The following P4HA2 variants were observed in gnomAD, a reference collection of about 807,000 sequenced individuals.
The protein encoded by P4HA2 is prolyl 4-hydroxylase subunit alpha-2.
P4HA2 carries 46 observed loss-of-function variants against 76.9 expected under a neutral mutation model. The observed-to-expected ratio is 0.60, with a 90% confidence interval of 0.47 to 0.76. P4HA2 has a LOEUF of 0.76. P4HA2 is among the 30% of genes least tolerant of loss of function. The pLI is 0.00. For missense variants in P4HA2, 583 were observed against 669.4 expected (o/e 0.87, Z 1.42); for synonymous variants, 243 against 254.0 (o/e 0.96, Z 0.41).
At chr5:132,222,272 T>G (rs1271498720) in intron 1 of P4HA2, among the ~76,000 whole-genome samples, 1 of 152,182 alleles carries the variant, frequency 6.6e-6, no homozygotes, top group Non-Finnish European at 1.5e-5. Flanking sequence ...TGAAAGGACC[T>G]GTGTGTTCAG....
At chr5:132,197,457 A>G (rs1750797585) in intron 12 of P4HA2, among the ~76,000 whole-genome samples, 1 of 151,858 alleles carries the variant, frequency 6.6e-6, no homozygotes, top group Non-Finnish European at 1.5e-5. Flanking sequence ...AAAATACAAA[A>G]ATTAGCCAGG....
intron 3 of P4HA2, 42 bp downstream of exon 3, chr5:132,217,710 G>A: frequency 4.2e-6 from 5 of 1,199,206 alleles, no homozygotes; most frequent in Non-Finnish European, 5.0e-6. Flanking sequence ...AGGGGCAGAA[G>A]GGAAGGAAGG....
At position 132,218,645 on chromosome 5, in the gene P4HA2, C is replaced by CACAGAGGGTCCAG; in HGVS notation, c.-18-2_-18-1insCTGGACCCTCTGT. On this transcript the variant is annotated splice_acceptor_variant, in intron 1 of 14. Transcript: ENST00000360568. LOFTEE classifies it low-confidence loss of function (5UTR_SPLICE). Reference sequence around the variant, plus strand: ...GTTTCATGGTCACAGAGGGAAGTGTCTGAAAGGCATTCAATGACAATCACT... The same window carrying CACAGAGGGTCCAG: ...GTTTCATGGTCACAGAGGGAAGTGTCACAGAGGGTCCAGTGAAAGGCATTCAATGACAATCACT... The CACAGAGGGTCCAG allele has an allele frequency of 6.3e-7, 1 of 1,587,176 alleles. No individual in the cohort carries two copies. Among genetic ancestry groups the CACAGAGGGTCCAG allele is most frequent in the Admixed American group, 1.7e-5 (1 of 59,942 alleles).
intron 14 of P4HA2, among the ~76,000 whole-genome samples, chr5:132,194,450 C>A (rs757193408): frequency 1.3e-5 from 2 of 152,216 alleles, no homozygotes; most frequent in Non-Finnish European, 2.9e-5. Context: ...TGAGCCTCTG[C>A]AGTTTGGTCC....
chr5:132,207,683 G>A (rs373210602), intron 8 of P4HA2, 25 bp downstream of exon 8: 46 of 1,604,432 alleles, frequency 2.9e-5, no homozygotes, highest in East Asian at 1.3e-4. Flanking sequence ...TCAGTGACCC[G>A]AGAAGGACCT....
intron 14 of P4HA2, among the ~76,000 whole-genome samples, chr5:132,194,286 C>A (rs1198394146): frequency 6.6e-6 from 1 of 152,204 alleles, no homozygotes; most frequent in Non-Finnish European, 1.5e-5. Context: ...GTTTTCTTTT[C>A]CATTTGCTTA....
At chr5:132,221,103 T>A (rs1255862498) in intron 1 of P4HA2, among the ~76,000 whole-genome samples, 1 of 152,156 alleles carries the variant, frequency 6.6e-6, no homozygotes. Flanking sequence ...TGCCCCACAA[T>A]GTGGGAAAGG....
At chr5:132,206,367 C>T (rs1404954769) in intron 8 of P4HA2, among the ~76,000 whole-genome samples, 2 of 152,142 alleles carry the variant, frequency 1.3e-5, no homozygotes, top group Non-Finnish European at 1.5e-5. Context: ...ATGATGCCAA[C>T]CACTGACTCA....
In P4HA2 at chr5:132,192,882, C is replaced by A; in HGVS notation, c.*128G>T. On this transcript the variant is annotated 3_prime_UTR_variant, in exon 15 of 15. Coordinates refer to ENST00000360568, the MANE Select transcript of P4HA2 (RefSeq NM_001017974.2). ...CAGGAGTCGCCCTAGTATGGTCTCC[C>A]TCTGCTCCAGACAAACATTCATTTC... is the stretch of plus-strand genomic sequence containing the variant. 1 of 696,322 alleles carries A rather than the reference C, an allele frequency of 1.4e-6. No individual in the cohort carries two copies. Among genetic ancestry groups the A allele is most frequent in the East Asian group, 2.5e-5 (1 of 39,382 alleles). The allele number at this position is 696,322 out of a possible 1,614,324, so 43.1% of individuals were successfully genotyped here.
rs1369565463 is a variant in P4HA2, at chr5:132,192,343, T to C, written c.*667A>G. On this transcript the variant is annotated 3_prime_UTR_variant, in exon 15 of 15. Coordinates refer to ENST00000360568, the MANE Select transcript of P4HA2 (RefSeq NM_001017974.2). Reference sequence around the variant, plus strand: ...CTTATCTCAAAATTTAAAAATGAAGTACACATTATAACAGCATTACAATCA... The same window carrying C: ...CTTATCTCAAAATTTAAAAATGAAGCACACATTATAACAGCATTACAATCA... The C allele has an allele frequency of 1.3e-5, 2 of 152,228 alleles. No individual in the cohort carries two copies. Among genetic ancestry groups the C allele is most frequent in the Non-Finnish European group, 2.9e-5 (2 of 68,038 alleles). 9.4% of individuals were successfully genotyped at this position (152,228 alleles called of 1,614,324 possible). A position where few individuals can be genotyped will look rare whatever the true frequency, so the allele number is the denominator to read the frequency against.
intron 10 of P4HA2, chr5:132,201,083 T>C (rs1162021580): frequency 2.0e-5 from 3 of 152,238 alleles, no homozygotes; most frequent in Non-Finnish European, 4.4e-5. Context: ...AGGTATTCAC[T>C]TAAATCTTTA....
chr5:132,224,114 A>G (rs748317616), intron 1 of P4HA2, among the ~76,000 whole-genome samples: 38 of 152,214 alleles, frequency 2.5e-4, no homozygotes, highest in Non-Finnish European at 5.0e-4. Flanking sequence ...TTAAGTTCAG[A>G]TGGGCAGTCA....
Position 132,204,096 on chromosome 5 carries a change from G to C in P4HA2, c.1137C>G (p.Tyr379Ter), listed in dbSNP as rs1751868616. The C allele has an allele frequency of 6.2e-7, 1 of 1,613,810 alleles. No individual in the cohort carries two copies. Among genetic ancestry groups the C allele is most frequent in the African/African-American group, 1.3e-5 (1 of 74,934 alleles). The change falls in exon 9 of 15, where the codon TAC (tyrosine) becomes TAG (stop). Residue 379 changes from tyrosine to a stop codon, truncating the protein, a stop_gained. Coordinates refer to ENST00000360568, the MANE Select transcript of P4HA2 (RefSeq NM_001017974.2). LOFTEE classifies it high-confidence loss of function. ...PKTGVLTVASYRVSKSSWLEE... is the reference protein window; with the variant it reads ...PKTGVLTVAS ...TCTTTGCTTACCTTTTGGAAACCCG[G>C]TAGCTGGCGACAGTGAGGACTCCTG...
chr5:132,190,818 A>G lies in P4HA2; in HGVS notation c.*2192T>C, dbSNP rs1413527686. On this transcript the variant is annotated 3_prime_UTR_variant, in exon 15 of 15. Coordinates refer to ENST00000360568, the MANE Select transcript of P4HA2 (RefSeq NM_001017974.2). ...ATATTTGCAAAATATATAACAAAGA[A>G]CTTGTGTACATATTTTAAAATTTGT... 6.6e-6 allele frequency among the ~76,000 whole-genome samples: 1 copy of G among 152,206 alleles called. No individual in the cohort carries two copies. Among genetic ancestry groups the G allele is most frequent in the African/African-American group, 2.4e-5 (1 of 41,452 alleles).
rs1362464364 is a variant in P4HA2 at position 132,227,824 on chromosome 5, TC to T, written c.-54del. On this transcript the variant is annotated 5_prime_UTR_variant, in exon 1 of 15. Coordinates refer to ENST00000360568, the MANE Select transcript of P4HA2 (RefSeq NM_001017974.2). ...CGCAGCTCCCGGCGTTTCCAGAACCTCCCGCGGCGTCGCCCGGTCAGCTCGG... is the reference window on the plus strand; with the variant it reads ...CGCAGCTCCCGGCGTTTCCAGAACCTCCGCGGCGTCGCCCGGTCAGCTCGG... 2 of 152,092 alleles carry T rather than the reference TC, an allele frequency of 1.3e-5. No homozygotes were observed. Among genetic ancestry groups the T allele is most frequent in the Admixed American group, 1.3e-4 (2 of 15,274 alleles). The allele number at this position is 152,092 out of a possible 1,614,324, so 9.4% of individuals were successfully genotyped here.
At chr5:132,196,506 C>G (rs1750662295) in intron 12 of P4HA2, among the ~76,000 whole-genome samples, 1 of 152,182 alleles carries the variant, frequency 6.6e-6, no homozygotes, top group Admixed American at 6.5e-5. Context: ...CAAAGAGAGG[C>G]CTCCACTGAA....
rs1311365647 is a variant in P4HA2, at chr5:132,195,127, T to G, written c.1435-105A>C. 8.9e-6 allele frequency: 7 copies of G among 784,108 alleles called. No homozygotes were observed. The African/African-American group carries it at 1.2e-4, about 13-fold the overall frequency. 48.6% of individuals were successfully genotyped at this position (784,108 alleles called of 1,614,324 possible). On this transcript the variant is annotated intron_variant, in intron 13 of 14. Transcript: ENST00000360568. ...TGCCCTGAGCAGAAACACCCTCATTTTCCCATGGACAGGGGATAGGGCTCT... is the reference window on the plus strand; with the variant it reads ...TGCCCTGAGCAGAAACACCCTCATTGTCCCATGGACAGGGGATAGGGCTCT...
rs1750486716 is a variant in P4HA2 at position 132,195,400 on chromosome 5, A to G, written c.1434+12T>C. On this transcript the variant is annotated intron_variant, in intron 13 of 14. Transcript: ENST00000360568. The stretch of plus-strand genomic sequence containing the variant: ...TTGCTTCAACCTCTGACCCACAAGA[A>G]TCAGAACTTACCTTCTTAGGCCAAA... 1 of 1,594,554 alleles carries G rather than the reference A, an allele frequency of 6.3e-7. No individual in the cohort carries two copies. Among genetic ancestry groups the G allele is most frequent in the Non-Finnish European group, 8.6e-7 (1 of 1,162,272 alleles).
chr5:132,214,117 C>T, intron 4 of P4HA2, 64 bp from the exon 5 acceptor site: 1 of 1,535,974 alleles, frequency 6.5e-7, no homozygotes, highest in East Asian at 2.3e-5. Context: ...CACTTGGGAC[C>T]AGAGAGGCAG....
Sources: gnomAD v4.1 joint callset for allele counts (sites outside exome capture counted in the v4.1 genomes callset) on GRCh38, gnomAD v4.1.1 for gene constraint, MANE v1.5 for transcripts, NCBI Gene and HGNC (gene_info 2026-07-23, HGNC 2026-07-21) for gene names.